The following WDR7 variants were observed in gnomAD, a reference collection of about 807,000 sequenced individuals.
The protein encoded by WDR7 is WD repeat domain 7, also known as WD repeat-containing protein 7.
WDR7 carries 46 observed loss-of-function variants against 169.4 expected under a neutral mutation model. The observed-to-expected ratio is 0.27, with a 90% CI of 0.21 to 0.35. WDR7 has a LOEUF of 0.35. Ranked by LOEUF, WDR7 falls within the 10% of genes least tolerant of loss-of-function variation. WDR7 has a pLI of 1.00. For synonymous variants in WDR7, 612 were observed against 666.8 expected (o/e 0.92, Z 1.27); for missense variants, 1,534 against 1,859.3 (o/e 0.83, Z 3.22).
chr18:56,965,730 A>G (rs1029775227), intron 26 of WDR7, among the ~76,000 whole-genome samples: 2 of 152,100 alleles, frequency 1.3e-5, no homozygotes, highest in Non-Finnish European at 2.9e-5. Context: ...CTGGCCCTTT[A>G]CAGAAAGGGT....
At chr18:56,718,929 G>A (rs2026254213) in intron 13 of WDR7, among the ~76,000 whole-genome samples, 1 of 152,036 alleles carries the variant, frequency 6.6e-6, no homozygotes, top group Admixed American at 6.6e-5. Flanking sequence ...ACATATTTGT[G>A]CATGCACTAT....
intron 1 of WDR7, among the ~76,000 whole-genome samples, chr18:56,657,307 G>A (rs193101338): frequency 1.5e-3 from 224 of 151,938 alleles, no homozygotes; most frequent in Non-Finnish European, 2.3e-3. Flanking sequence ...ACAGGTGCCC[G>A]CCAGGACACC....
intron 14 of WDR7, among the ~76,000 whole-genome samples, chr18:56,740,438 C>T (rs754200017): frequency 6.6e-6 from 1 of 152,100 alleles, no homozygotes; most frequent in African/African-American, 2.4e-5. Context: ...GCTGTAATCT[C>T]TTGGCATGTG....
At chr18:56,911,036 T>A (rs1228646167) in intron 21 of WDR7, among the ~76,000 whole-genome samples, 1 of 152,212 alleles carries the variant, frequency 6.6e-6, no homozygotes, top group Non-Finnish European at 1.5e-5. Context: ...TTCATAGAGC[T>A]TTGTTGAGGC....
chr18:56,928,332 C>G (rs28550726), intron 22 of WDR7, among the ~76,000 whole-genome samples: 35,043 of 151,814 alleles, frequency 0.23, 8,519 homozygotes, highest in African/African-American at 0.62. Context: ...GGGCATGGTG[C>G]CGTGTACCTG....
intron 26 of WDR7, among the ~76,000 whole-genome samples, chr18:56,981,420 C>T (rs2047643129): frequency 6.6e-6 from 1 of 152,020 alleles, no homozygotes; most frequent in Non-Finnish European, 1.5e-5. Context: ...CATGTCTGTG[C>T]TCGACATAAA....
At chr18:56,779,857 A>G (rs544292309) in intron 18 of WDR7, among the ~76,000 whole-genome samples, 1 of 152,348 alleles carries the variant, frequency 6.6e-6, no homozygotes, top group South Asian at 2.1e-4. Flanking sequence ...ATAAACAAAT[A>G]CATAAACCTG....
chr18:56,850,532 T>C (rs1229064088), intron 20 of WDR7, among the ~76,000 whole-genome samples: 4 of 152,196 alleles, frequency 2.6e-5, no homozygotes, highest in Admixed American at 1.3e-4. Context: ...TTTATAGAGA[T>C]AGAATCTCCC....
intron 16 of WDR7, among the ~76,000 whole-genome samples, chr18:56,762,682 T>C (rs2043996493): frequency 6.6e-6 from 1 of 152,088 alleles, no homozygotes; most frequent in African/African-American, 2.4e-5. Context: ...ATCAATCTTA[T>C]TAGTCATTTT....
At chr18:57,012,490 A>G (rs2048149628) in intron 26 of WDR7, among the ~76,000 whole-genome samples, 1 of 152,312 alleles carries the variant, frequency 6.6e-6, no homozygotes, top group Non-Finnish European at 1.5e-5. Context: ...AGGGTCTGCA[A>G]GGTGGCCTGG....
At chr18:56,874,121 G>A (rs114942461) in intron 20 of WDR7, among the ~76,000 whole-genome samples, 1,743 of 152,290 alleles carry the variant, frequency 0.011, 31 homozygotes, top group African/African-American at 0.039. Context: ...TCTAGATGCT[G>A]TGCCACAGAG....
At chr18:56,884,095 T>C (rs1319622293) in intron 21 of WDR7, among the ~76,000 whole-genome samples, 1 of 152,178 alleles carries the variant, frequency 6.6e-6, no homozygotes, top group East Asian at 1.9e-4. Flanking sequence ...TCACACTGTT[T>C]TGCATAGTGG....
chr18:56,872,824 AT>A (rs1355080368), intron 20 of WDR7: 2 of 152,170 alleles, frequency 1.3e-5, no homozygotes, highest in Non-Finnish European at 2.9e-5. Context: ...CCAAATTTTC[AT>A]GAGACAAATG....
intron 20 of WDR7, among the ~76,000 whole-genome samples, chr18:56,852,487 T>C (rs2045655477): frequency 6.6e-6 from 1 of 152,230 alleles, no homozygotes; most frequent in African/African-American, 2.4e-5. Context: ...GGCTATATCA[T>C]GTAAGAAAGC....
chr18:56,908,947 A>T lies in WDR7; in HGVS notation c.3527-14975A>T, dbSNP rs1036688945. 3.3e-5 allele frequency among the ~76,000 whole-genome samples: 5 copies of T among 152,346 alleles called. No homozygotes were observed. The East Asian group carries it at 9.6e-4, about 29-fold the overall frequency. On this transcript the variant is annotated intron_variant, in intron 21 of 27. Coordinates refer to ENST00000254442, the MANE Select transcript of WDR7 (RefSeq NM_015285.3). The stretch of plus-strand genomic sequence containing the variant: ...ATTTTCAAGTCTAAGTATAATTTCC[A>T]GATAAATATCTGTGATTGAAGAAAG...
intron 20 of WDR7, among the ~76,000 whole-genome samples, chr18:56,854,273 ACCT>A (rs1337567742): frequency 3.3e-5 from 5 of 152,164 alleles, no homozygotes; most frequent in Non-Finnish European, 7.3e-5. Context: ...ACTTCCTATG[ACCT>A]CCTCCTCTTC....
intron 26 of WDR7, among the ~76,000 whole-genome samples, chr18:57,019,188 A>G (rs2048250117): frequency 6.6e-6 from 1 of 152,208 alleles, no homozygotes; most frequent in African/African-American, 2.4e-5. Flanking sequence ...ATTGAGTTAT[A>G]TGACTGTTTA....
In WDR7 at chr18:56,836,632, G is replaced by A. The variant is rs151230409; in HGVS notation, c.3304+20488G>A. Among the ~76,000 whole-genome samples, 850 of 152,072 alleles carry A rather than the reference G, an allele frequency of 5.6e-3. 2 individuals are homozygous for A. Among genetic ancestry groups the A allele is most frequent in the African/African-American group, 0.011 (475 of 41,504 alleles). ...AATATGAAAATATTCATTTTCTTGC[G>A]TCTATTTTCATCTATTTTCCATAAA... On this transcript the variant is annotated intron_variant, in intron 20 of 27. Coordinates refer to ENST00000254442, the MANE Select transcript of WDR7 (RefSeq NM_015285.3).
chr18:56,830,494 C>G (rs967352503), intron 20 of WDR7, among the ~76,000 whole-genome samples: 2 of 152,188 alleles, frequency 1.3e-5, no homozygotes, highest in South Asian at 2.1e-4. Context: ...AGGAAAAGAT[C>G]TGTTAAGAAA....
Sources: allele counts gnomAD v4.1 joint callset (sites outside exome capture counted in the v4.1 genomes callset), GRCh38; gene constraint gnomAD v4.1.1; transcripts MANE v1.5; gene names NCBI Gene and HGNC (gene_info 2026-07-23, HGNC 2026-07-21).